The following DISC1 variants were observed in gnomAD, a reference collection of about 807,000 sequenced individuals.
DISC1 encodes disrupted in schizophrenia 1 protein.
A neutral mutation model predicts 84.5 loss-of-function variants in DISC1; 57 were observed. That is an observed-to-expected ratio of 0.67 (90% CI 0.55 to 0.84). DISC1 has a LOEUF of 0.84. Ranked by LOEUF, DISC1 falls within the 40% of genes least tolerant of loss-of-function variation. DISC1 has a pLI of 0.00. For synonymous variants in DISC1, 411 were observed against 415.2 expected (o/e 0.99, Z 0.12); for missense variants, 1,000 against 1,057.8 (o/e 0.95, Z 0.76).
chr1:231,741,215 G>A (rs1558460476), intron 3 of DISC1, among the ~76,000 whole-genome samples: 1 of 152,186 alleles, frequency 6.6e-6, no homozygotes, highest in Non-Finnish European at 1.5e-5. Flanking sequence ...AGAGACTCAC[G>A]AGGATGTGAA....
chr1:231,727,641 AT>A (rs1300151523), intron 3 of DISC1, among the ~76,000 whole-genome samples: 1 of 152,144 alleles, frequency 6.6e-6, no homozygotes, highest in Non-Finnish European at 1.5e-5. Context: ...ATCTCTTGGA[AT>A]CATTTTTACT....
At chr1:231,718,180 C>T (rs1439654410) in intron 3 of DISC1, among the ~76,000 whole-genome samples, 1 of 152,178 alleles carries the variant, frequency 6.6e-6, no homozygotes, top group Non-Finnish European at 1.5e-5. Context: ...TCCTTGGTTT[C>T]TATTTTCATC....
chr1:231,825,499 A>C (rs774137986), intron 9 of DISC1, among the ~76,000 whole-genome samples: 10 of 152,180 alleles, frequency 6.6e-5, no homozygotes, highest in Non-Finnish European at 1.5e-4. Context: ...ACGCTCATAT[A>C]ATGTCCTGAA....
At chr1:231,685,634 G>A (rs538009362) in intron 1 of DISC1, among the ~76,000 whole-genome samples, 56 of 152,028 alleles carry the variant, frequency 3.7e-4, no homozygotes, top group Non-Finnish European at 5.9e-4. Flanking sequence ...TGTATTTTTA[G>A]TAGAGACAGA....
At chr1:231,641,621 C>T (rs183728345) in intron 1 of DISC1, among the ~76,000 whole-genome samples, 263 of 152,358 alleles carry the variant, frequency 1.7e-3, no homozygotes, top group Non-Finnish European at 3.2e-3. Context: ...TGCTTTTATT[C>T]TCTTATCTGG....
chr1:231,911,444 T>A (rs1030621815), intron 9 of DISC1, among the ~76,000 whole-genome samples: 1 of 152,228 alleles, frequency 6.6e-6, no homozygotes, highest in African/African-American at 2.4e-5. Flanking sequence ...TAGCTTAGTT[T>A]GGCTGGATAT....
rs142275615 is a variant in DISC1, at chr1:231,946,370, A to T, written c.1982-12458A>T. Reference sequence around the variant, plus strand: ...AACCAATGACAAAAAACACATTATTATCTCAATAGGTGCAGAAAAGGCCTT... The same window carrying T: ...AACCAATGACAAAAAACACATTATTTTCTCAATAGGTGCAGAAAAGGCCTT... On this transcript the variant is annotated intron_variant, in intron 9 of 12. Transcript: ENST00000439617. Among the ~76,000 whole-genome samples the T allele has an allele frequency of 2.4e-3, 365 of 152,336 alleles. 1 individual carries two copies. The highest frequency in any genetic ancestry group is 8.2e-3 in the African/African-American group (339 of 41,576).
intron 10 of DISC1, among the ~76,000 whole-genome samples, chr1:231,985,834 C>T (rs1664345415): frequency 6.6e-6 from 1 of 152,178 alleles, no homozygotes; most frequent in South Asian, 2.1e-4. Context: ...ACCAAAATGA[C>T]TCATCACATG....
intron 9 of DISC1, among the ~76,000 whole-genome samples, chr1:231,848,326 G>A (rs1191248983): frequency 1.3e-5 from 2 of 152,150 alleles, no homozygotes; most frequent in Admixed American, 6.5e-5. Flanking sequence ...GCACATAGAA[G>A]CCTTACTATA....
At chr1:231,764,765 C>A (rs1257504374) in intron 4 of DISC1, among the ~76,000 whole-genome samples, 2 of 152,122 alleles carry the variant, frequency 1.3e-5, no homozygotes, top group Non-Finnish European at 2.9e-5. Flanking sequence ...TGTAGAATCC[C>A]AAGTTATATT....
rs1480292003 is a variant in DISC1, at chr1:231,762,508, TG to T, written c.1269-4631del. Among the ~76,000 whole-genome samples the T allele has an allele frequency of 7.2e-3, 535 of 74,018 alleles. 2 individuals are homozygous for T. Among genetic ancestry groups the T allele is most frequent in the African/African-American group, 0.015 (373 of 25,066 alleles). 48.6% of individuals were successfully genotyped at this position (74,018 alleles called of 152,430 possible). A position where few individuals can be genotyped will look rare whatever the true frequency, so the allele number is the denominator to read the frequency against. On this transcript the variant is annotated intron_variant, in intron 4 of 12. Transcript: ENST00000439617. The stretch of plus-strand genomic sequence containing the variant: ...TGCCACTGTGCCTAATTTTTAGTTT[TG>T]TTTTGTTTTTTTTTTTTTTTTGGTA...
chr1:231,645,216 T>A (rs1208384824), intron 1 of DISC1, among the ~76,000 whole-genome samples: 1 of 152,088 alleles, frequency 6.6e-6, no homozygotes, highest in African/African-American at 2.4e-5. Flanking sequence ...AGAAGAGGAT[T>A]GGTTGTTCTT....
intron 9 of DISC1, among the ~76,000 whole-genome samples, chr1:231,907,660 C>A (rs1327571651): frequency 1.3e-5 from 2 of 152,146 alleles, no homozygotes; most frequent in East Asian, 3.8e-4. Flanking sequence ...TTTATAGTAG[C>A]ATGATTTATA....
chr1:231,784,164 G>GAGGC (rs1289736072), intron 6 of DISC1, among the ~76,000 whole-genome samples: 2 of 151,964 alleles, frequency 1.3e-5, no homozygotes, highest in Non-Finnish European at 1.5e-5. Flanking sequence ...TCAGGAGGCT[G>GAGGC]AGGCAGTACA....
chr1:231,750,779 G>T (rs549815879), intron 4 of DISC1, among the ~76,000 whole-genome samples: 1 of 152,294 alleles, frequency 6.6e-6, no homozygotes, highest in East Asian at 1.9e-4. Flanking sequence ...CCTAGGTAAA[G>T]GTCTGAGAGG....
In DISC1 at chr1:231,838,713, A is replaced by G. The variant is rs1419651013; in HGVS notation, c.1981+20196A>G. On this transcript the variant is annotated intron_variant, in intron 9 of 12. Transcript: ENST00000439617. ...TCAAGAGTTACATGTAAGTTTGTGT[A>G]AGGCCCTTCTTTTGCTTCTACATTT... Among the ~76,000 whole-genome samples, 4 of 152,218 alleles carry G rather than the reference A, an allele frequency of 2.6e-5. 1 individual carries two copies. The highest frequency in any genetic ancestry group is 4.1e-4 in the South Asian group (2 of 4,836).
chr1:232,017,822 C>A (rs1045733718), intron 11 of DISC1, among the ~76,000 whole-genome samples: 1 of 152,152 alleles, frequency 6.6e-6, no homozygotes, highest in African/African-American at 2.4e-5. Flanking sequence ...ATCTTAGAAT[C>A]CTAGCAGTAC....
At chr1:231,702,367 A>G in intron 3 of DISC1, 2 of 1,034,672 alleles carry the variant, frequency 1.9e-6, no homozygotes, top group Non-Finnish European at 2.3e-6. Context: ...GACACCTATG[A>G]TATGCTAGGG....
At chr1:231,804,622 T>A (rs565485703) in intron 8 of DISC1, among the ~76,000 whole-genome samples, 21 of 152,140 alleles carry the variant, frequency 1.4e-4, no homozygotes, top group Non-Finnish European at 2.5e-4. Context: ...GCTCAATGTC[T>A]CTTCTTTTTT....
Sources: allele counts gnomAD v4.1 joint callset (sites outside exome capture counted in the v4.1 genomes callset), GRCh38; gene constraint gnomAD v4.1.1; transcripts MANE v1.5; gene names NCBI Gene and HGNC (gene_info 2026-07-23, HGNC 2026-07-21).